Variants in CDH1 observed in about 807,000 individuals in gnomAD.
CDH1 encodes the protein cadherin-1.
In CDH1, 35 loss-of-function variants were observed where a neutral mutation model predicts 84.5. The observed-to-expected ratio is 0.41, with a 90% CI of 0.32 to 0.55. The LOEUF is 0.55. Ranked by LOEUF, CDH1 falls within the 20% of genes least tolerant of loss-of-function variation. The pLI is 0.19. For missense variants in CDH1, 994 were observed against 1,126.6 expected (o/e 0.88, Z 1.68); for synonymous variants, 417 against 439.0 (o/e 0.95, Z 0.63).
chr16:68,777,877 G>A (rs71395879), intron 2 of CDH1, among the ~76,000 whole-genome samples: 2,628 of 150,686 alleles, frequency 0.017, 37 homozygotes, highest in Middle Eastern at 0.034. Flanking sequence ...GACTACAGGC[G>A]CACACCACCA....
At chr16:68,801,618 T>C (rs1960500707) in intron 2 of CDH1, 52 bp from the exon 3 acceptor site, 6 of 1,464,070 alleles carry the variant, frequency 4.1e-6, no homozygotes, top group Non-Finnish European at 5.8e-6. Context: ...GAAGGAATGC[T>C]CTTGTCTTTA....
chr16:68,776,807 GA>G (rs577379926), intron 2 of CDH1, among the ~76,000 whole-genome samples: 18 of 152,344 alleles, frequency 1.2e-4, no homozygotes, highest in Admixed American at 9.8e-4. Flanking sequence ...AGGCTTGTCA[GA>G]TTAGGCTGGT....
Position 68,822,124 on chromosome 16 carries a change from T to C in CDH1, c.1835T>C (p.Ile612Thr). Residue 612 changes from isoleucine to threonine, a missense_variant, in exon 12 of 16, where the codon ATA becomes ACA. Transcript: ENST00000261769. Reference protein sequence around the residue: ...FCERNPKPQVINIIDADLPPN... With the variant: ...FCERNPKPQVTNIIDADLPPN... ...GAGAGGAATCCAAAGCCTCAGGTCA[T>C]AAACATCATTGATGCAGACCTTCCT... is the stretch of plus-strand genomic sequence containing the variant. The C allele has an allele frequency of 6.2e-7, 1 of 1,614,148 alleles. No homozygotes were observed. The highest frequency in any genetic ancestry group is 1.1e-5 in the South Asian group (1 of 91,074).
chr16:68,762,376 C>T (rs35135718), intron 2 of CDH1, among the ~76,000 whole-genome samples: 105 of 152,246 alleles, frequency 6.9e-4, no homozygotes, highest in African/African-American at 2.5e-3. Context: ...GGGAAGTATT[C>T]GCAGCCCCCA....
At chr16:68,751,770 T>C (rs1446309671) in intron 2 of CDH1, among the ~76,000 whole-genome samples, 1 of 151,594 alleles carries the variant, frequency 6.6e-6, no homozygotes, top group Non-Finnish European at 1.5e-5. Context: ...CCCAAAGTGC[T>C]GGGATTATAG....
At chr16:68,787,111 C>T (rs774202533) in intron 2 of CDH1, among the ~76,000 whole-genome samples, 38 of 152,100 alleles carry the variant, frequency 2.5e-4, no homozygotes, top group Non-Finnish European at 4.4e-4. Context: ...AAAATGTGGC[C>T]CTAGATTGAT....
At chr16:68,737,513 C>CGT in intron 1 of CDH1, 50 bp downstream of exon 1, 1 of 1,405,510 alleles carries the variant, frequency 7.1e-7, no homozygotes. Flanking sequence ...CCGCAAGCTC[C>CGT]GCGCCCCAGC....
intron 2 of CDH1, among the ~76,000 whole-genome samples, chr16:68,790,105 A>G (rs4076177): frequency 0.44 from 66,403 of 152,058 alleles, 16,331 homozygotes; most frequent in African/African-American, 0.67. Flanking sequence ...TGTGCAGCAC[A>G]TTAGACCCTG....
intron 2 of CDH1, among the ~76,000 whole-genome samples, chr16:68,746,740 G>C (rs920521882): frequency 6.6e-6 from 1 of 152,106 alleles, no homozygotes; most frequent in East Asian, 1.9e-4. Flanking sequence ...TTGAGGTCAG[G>C]AGTTTAAAAC....
At position 68,833,859 on chromosome 16, in the gene CDH1, G is replaced by A. The variant is rs867977264; in HGVS notation, c.*360G>A. The A allele has an allele frequency of 2.6e-6, 1 of 385,808 alleles. No homozygotes were observed. The highest frequency in any genetic ancestry group is 4.8e-6 in the Non-Finnish European group (1 of 209,864). 23.9% of individuals were successfully genotyped at this position (385,808 alleles called of 1,614,324 possible). On this transcript the variant is annotated 3_prime_UTR_variant, in exon 16 of 16. Transcript: ENST00000261769. ...AATTTTGTCTCACTTTTAAAAAGAA[G>A]GGGAGAAGTCAGCTACTCTAGTTCT...
At chr16:68,780,603 T>G (rs1354917574) in intron 2 of CDH1, among the ~76,000 whole-genome samples, 2 of 152,202 alleles carry the variant, frequency 1.3e-5, no homozygotes, top group Non-Finnish European at 2.9e-5. Flanking sequence ...TGTTCTATTG[T>G]TTTCTCTACA....
intron 2 of CDH1, among the ~76,000 whole-genome samples, chr16:68,794,544 G>A (rs544663438): frequency 6.6e-6 from 1 of 151,624 alleles, no homozygotes; most frequent in East Asian, 2.0e-4. Flanking sequence ...TTTAGAGATG[G>A]GGTCTTACTT....
At chr16:68,787,552 C>G (rs1960088599) in intron 2 of CDH1, among the ~76,000 whole-genome samples, 1 of 151,826 alleles carries the variant, frequency 6.6e-6, no homozygotes, top group African/African-American at 2.4e-5. Flanking sequence ...CTATGTTGCC[C>G]AGGCTGGTCT....
chr16:68,794,074 C>A (rs1194386087), intron 2 of CDH1, among the ~76,000 whole-genome samples: 1 of 152,080 alleles, frequency 6.6e-6, no homozygotes, highest in Non-Finnish European at 1.5e-5. Flanking sequence ...CACTCTGTTG[C>A]CCAGGCTGAC....
At chr16:68,770,249 G>A (rs1417681893) in intron 2 of CDH1, among the ~76,000 whole-genome samples, 1 of 152,082 alleles carries the variant, frequency 6.6e-6, no homozygotes, top group Non-Finnish European at 1.5e-5. Flanking sequence ...TCACCTTCCT[G>A]ACTGGGCCTG....
chr16:68,792,719 G>C (rs1567497287), intron 2 of CDH1, among the ~76,000 whole-genome samples: 1 of 152,208 alleles, frequency 6.6e-6, no homozygotes, highest in Non-Finnish European at 1.5e-5. Flanking sequence ...AAGGGAAAAA[G>C]TCAAGGGCGA....
chr16:68,793,933 A>C (rs1448189270), intron 2 of CDH1, among the ~76,000 whole-genome samples: 1 of 148,930 alleles, frequency 6.7e-6, no homozygotes, highest in Middle Eastern at 3.5e-3. Context: ...TCTGTCTCAA[A>C]AAAAAAAAAA....
intron 8 of CDH1, among the ~76,000 whole-genome samples, chr16:68,812,515 G>A (rs1724645571): frequency 6.6e-6 from 1 of 152,182 alleles, no homozygotes; most frequent in South Asian, 2.1e-4. Context: ...TAGTCTCATG[G>A]TACATTTTTA....
At chr16:68,767,237 C>T (rs1425019999) in intron 2 of CDH1, among the ~76,000 whole-genome samples, 1 of 151,960 alleles carries the variant, frequency 6.6e-6, no homozygotes, top group Non-Finnish European at 1.5e-5. Context: ...CTCTGTTGGC[C>T]AGGCTAGAGT....
Sources: allele counts gnomAD v4.1 joint callset (sites outside exome capture counted in the v4.1 genomes callset), GRCh38; gene constraint gnomAD v4.1.1; transcripts MANE v1.5; gene names NCBI Gene and HGNC (gene_info 2026-07-23, HGNC 2026-07-21).